Variants in MUC5B observed in about 807,000 individuals in gnomAD.
MUC5B encodes mucin-5B.
A neutral mutation model predicts 376.9 loss-of-function variants in MUC5B; 116 were observed. That is an observed-to-expected ratio of 0.31 (90% CI 0.26 to 0.36). The LOEUF (loss-of-function observed/expected upper bound fraction) is 0.36. Among genes scored for constraint, MUC5B ranks in the 10% least tolerant of loss-of-function variants. The pLI is 1.00. For synonymous variants in MUC5B, 3,517 were observed against 3,390.9 expected, an observed-to-expected ratio of 1.04 and a Z score of -1.29; for missense variants, 7,165 against 7,769.9, an observed-to-expected ratio of 0.92 and a Z score of 2.93.
chr11:1,229,936 G>A, intron 10 of MUC5B, 69 bp from the exon 11 acceptor site: 1 of 1,556,142 alleles, frequency 6.4e-7, no homozygotes, highest in South Asian at 1.2e-5. Flanking sequence ...TCCGCCTGCG[G>A]TGGGGGTGTG....
Position 1,250,770 on chromosome 11 carries a change from C to A in MUC5B, c.13890C>A (p.Pro4630=). Reference sequence around the variant, plus strand: ...CCACCACACCCACAACCACCACACCCACAACCAGTGGCTCCACGGTGACCC... The same window carrying A: ...CCACCACACCCACAACCACCACACCAACAACCAGTGGCTCCACGGTGACCC... ...STTTTPTTTT[P]TTSGSTVTPS... The change falls in exon 31 of 49, where the codon CCC becomes CCA. Residue 4630 remains proline, a synonymous_variant. Coordinates refer to ENST00000529681, the MANE Select transcript of MUC5B (RefSeq NM_002458.3). The A allele has an allele frequency of 1.2e-6, 2 of 1,613,242 alleles. No individual in the cohort carries two copies. Among genetic ancestry groups the A allele is most frequent in the Non-Finnish European group, 1.7e-6 (2 of 1,179,536 alleles).
In MUC5B at chr11:1,261,500, C is replaced by A; in HGVS notation, c.17181C>A (p.His5727Gln). Residue 5727 changes from histidine (H) to glutamine (Q), a missense_variant, in exon 49 of 49, where the codon CAC (histidine) becomes CAA (glutamine). Transcript: ENST00000529681. Reference sequence around the variant, plus strand: ...GTCCTAACGGCTCAGCCATCCTGCACACCTACACCCACGTGGATGAGTGTG... The same window carrying A: ...GTCCTAACGGCTCAGCCATCCTGCAAACCTACACCCACGTGGATGAGTGTG... ...LHCPNGSAILHTYTHVDECGC... is the reference protein window; with the variant it reads ...LHCPNGSAILQTYTHVDECGC... 1.3e-6 allele frequency: 2 copies of A among 1,599,820 alleles called. No individual in the cohort carries two copies. The highest frequency in any genetic ancestry group is 1.7e-6 in the Non-Finnish European group (2 of 1,174,410).
chr11:1,226,955 C>A, intron 4 of MUC5B, 76 bp from the exon 5 acceptor site: 1 of 1,504,284 alleles, frequency 6.6e-7, no homozygotes, highest in Non-Finnish European at 9.1e-7. Context: ...CTGACCTGGG[C>A]CAGGGCTGGG....
Position 1,229,247 on chromosome 11 carries a change from G to T in MUC5B, c.1054G>T (p.Ala352Ser), listed in dbSNP as rs774531281. 6.3e-7 allele frequency: 1 copy of T among 1,592,178 alleles called. No homozygotes were observed. ...CTDTCSNPQR[A>S]QLCEDHCVDG... ...GGACACCTGCTCCAACCCCCAGCGC[G>T]CGCAGCTCTGCGAGGACCACTGTGT... The change falls in exon 9 of 49, where the codon GCG (alanine) becomes TCG (serine). Residue 352 changes from alanine to serine, a missense_variant. Ala to Ser is a moderately conservative substitution (Grantham distance 99). Coordinates refer to ENST00000529681, the MANE Select transcript of MUC5B (RefSeq NM_002458.3).
rs78692183 is a variant in MUC5B at position 1,242,527 on chromosome 11, A to G, written c.5647A>G (p.Ser1883Gly). 47,972 of 1,613,698 alleles carry G rather than the reference A, an allele frequency of 0.03. 913 individuals carry two copies. Among genetic ancestry groups the G allele is most frequent in the Non-Finnish European group, 0.033 (38,542 of 1,179,778 alleles). ...GCGTGTGCTTTGCTGTGACGACTACAGCCACTGCCCCAGTACCCCAGCCAC... is the reference window on the plus strand; with the variant it reads ...GCGTGTGCTTTGCTGTGACGACTACGGCCACTGCCCCAGTACCCCAGCCAC... The part of the protein sequence containing the change: ...NVRVLCCDDY[S>G]HCPSTPATSS... The change falls in exon 31 of 49, where the codon AGC becomes GGC. Residue 1883 changes from serine to glycine, a missense_variant. Around this residue, in one of 31 missense-constraint regions of MUC5B, gnomAD observed 897 missense variants for 779.6 expected, o/e 1.15. Transcript: ENST00000529681.
intron 23 of MUC5B, among the ~76,000 whole-genome samples, chr11:1,235,865 G>T (rs1162215402): frequency 1.3e-5 from 2 of 151,956 alleles, no homozygotes; most frequent in Non-Finnish European, 2.9e-5. Flanking sequence ...CGTCTGCAGA[G>T]ATGCTTTCTC....
Position 1,247,408 on chromosome 11 carries a change from T to C in MUC5B, c.10528T>C (p.Ser3510Pro), listed in dbSNP as rs1590184149. 1.2e-6 allele frequency: 2 copies of C among 1,607,866 alleles called. No homozygotes were observed. The highest frequency in any genetic ancestry group is 1.7e-6 in the Non-Finnish European group (2 of 1,178,324). The change falls in exon 31 of 49, where the codon TCC (serine) becomes CCC (proline). Residue 3510 changes from serine (S) to proline (P), a missense_variant. This residue lies in a region of MUC5B where 939 missense variants were observed against 770.6 expected (regional missense o/e 1.22). Transcript: ENST00000529681. ...CACCCAGCACTCGACTCCAGCCCTGTCCAGCCCTCACCCTAGCAGCAGGAC... is the reference window on the plus strand; with the variant it reads ...CACCCAGCACTCGACTCCAGCCCTGCCCAGCCCTCACCCTAGCAGCAGGAC... Reference protein sequence around the residue: ...STTQHSTPALSSPHPSSRTTE... With the variant: ...STTQHSTPALPSPHPSSRTTE...
Position 1,247,901 on chromosome 11 carries a change from C to G in MUC5B, c.11021C>G (p.Thr3674Ser). 1.2e-6 allele frequency: 2 copies of G among 1,611,640 alleles called. No homozygotes were observed. Among genetic ancestry groups the G allele is most frequent in the Non-Finnish European group, 1.7e-6 (2 of 1,178,974 alleles). Residue 3674 changes from threonine (T) to serine (S), a missense_variant, in exon 31 of 49, where the codon ACC (threonine) becomes AGC (serine). This residue lies in a region of MUC5B where 90 missense variants were observed against 71.1 expected (regional missense o/e 1.27). Transcript: ENST00000529681. The part of the protein sequence containing the change: ...FCCNYGHCPS[T>S]PATSSTATPS... ...TGCAACTACGGCCACTGCCCCAGCA[C>G]CCCGGCCACCAGCTCTACGGCCACG... is the stretch of plus-strand genomic sequence containing the variant.
At chr11:1,231,354 C>G in intron 13 of MUC5B, 69 bp from the exon 14 acceptor site, 1 of 1,516,346 alleles carries the variant, frequency 6.6e-7, no homozygotes. Context: ...CACTGGATGC[C>G]CTGCCCCTCC....
chr11:1,259,898 C>A (rs937731280), intron 45 of MUC5B, 56 bp downstream of exon 45: 1 of 1,612,064 alleles, frequency 6.2e-7, no homozygotes, highest in African/African-American at 1.3e-5. Context: ...AGACCCTCAC[C>A]CCCAATGGGG....
At chr11:1,238,253 T>C (rs1217523414) in intron 25 of MUC5B, among the ~76,000 whole-genome samples, 2 of 152,188 alleles carry the variant, frequency 1.3e-5, no homozygotes, top group Non-Finnish European at 2.9e-5. Context: ...GCACATTCAC[T>C]GGGTGCCTGG....
chr11:1,250,338 G>C lies in MUC5B; in HGVS notation c.13458G>C (p.Thr4486=), dbSNP rs746678966. Residue 4486 remains threonine, a synonymous_variant, in exon 31 of 49, where the codon ACG becomes ACC. Coordinates refer to ENST00000529681, the MANE Select transcript of MUC5B (RefSeq NM_002458.3). ...CCCCACATGTGAGCACCACGGCCAC[G>C]ACACCCACAGTCACCAGCTCCAAAG... ...AGTPHVSTTA[T]TPTVTSSKAT... is the part of the protein sequence containing the mutation. 1 of 1,611,610 alleles carries C rather than the reference G, an allele frequency of 6.2e-7. No homozygotes were observed. Among genetic ancestry groups the C allele is most frequent in the Non-Finnish European group, 8.5e-7 (1 of 1,179,060 alleles).
chr11:1,234,498 G>A lies in MUC5B; in HGVS notation c.2479-31G>A. ...TGACATCTGCCCACCCTGGTGTCCAGCCCTGACCGGTACCTGCCTGGGCCC... is the reference window on the plus strand; with the variant it reads ...TGACATCTGCCCACCCTGGTGTCCAACCCTGACCGGTACCTGCCTGGGCCC... On this transcript the variant is annotated intron_variant, in intron 20 of 48. Transcript: ENST00000529681. This position sits in a 1 kb window ranked among gnomAD's most constrained non-coding sequence, Gnocchi z 6.3. The A allele has an allele frequency of 6.4e-7, 1 of 1,563,678 alleles. No individual in the cohort carries two copies. Among genetic ancestry groups the A allele is most frequent in the South Asian group, 1.2e-5 (1 of 84,658 alleles).
At chr11:1,256,902 C>G (rs1013105252) in intron 39 of MUC5B, 131 bp downstream of exon 39, 2 of 713,698 alleles carry the variant, frequency 2.8e-6, no homozygotes, top group Non-Finnish European at 2.3e-6. Context: ...TGTTCTGCCC[C>G]ACCAGAGCAT....
intron 38 of MUC5B, 57 bp downstream of exon 38, chr11:1,256,282 G>T (rs1357643221): frequency 4.2e-6 from 3 of 711,290 alleles, no homozygotes; most frequent in South Asian, 3.0e-5. Flanking sequence ...TGACCGGTCT[G>T]GGGGAGCAGG....
chr11:1,256,078 G>T lies in MUC5B; in HGVS notation c.16067-78G>T, dbSNP rs953118088. On this transcript the variant is annotated intron_variant, in intron 37 of 48. Coordinates refer to ENST00000529681, the MANE Select transcript of MUC5B (RefSeq NM_002458.3). ...CCCCCAGACTCCTCGGCCTCTCTGA[G>T]TGTCCTGTGCGGTGATTGGGGGCGG... 6 of 677,130 alleles carry T rather than the reference G, an allele frequency of 8.9e-6. No individual in the cohort carries two copies. The African/African-American group carries it at 1.1e-4, about 12-fold the overall frequency. The allele number at this position is 677,130 out of a possible 1,614,324, so 41.9% of individuals were successfully genotyped here. A position where few individuals can be genotyped will look rare whatever the true frequency, so the allele number is the denominator to read the frequency against.
At chr11:1,223,304 G>C in intron 1 of MUC5B, 111 bp downstream of exon 1, 1 of 695,790 alleles carries the variant, frequency 1.4e-6, no homozygotes, top group Non-Finnish European at 2.6e-6. Flanking sequence ...ATCCCCCTAC[G>C]ACTCCCTGAG....
chr11:1,232,571 G>A (rs781017068), intron 16 of MUC5B, 27 bp downstream of exon 16: 28 of 1,605,048 alleles, frequency 1.7e-5, no homozygotes, highest in Admixed American at 1.0e-4. Context: ...AGACCCCCAC[G>A]CCTGGGCAGG....
In MUC5B at chr11:1,228,630, A is replaced by G; in HGVS notation, c.841A>G (p.Thr281Ala). 6.5e-7 allele frequency: 1 copy of G among 1,534,104 alleles called. No individual in the cohort carries two copies. Among genetic ancestry groups the G allele is most frequent in the South Asian group, 1.2e-5 (1 of 83,890 alleles). ...GGAGTGCCACGCACTGGTGGACAGC[A>G]CTGCGTACCTGGCCGCCTGCGCCCA... ...FAECHALVDS[T>A]AYLAACAQDL... Residue 281 changes from threonine to alanine, a missense_variant, in exon 8 of 49, where the codon ACT (threonine) becomes GCT (alanine). Transcript: ENST00000529681.
Sources: gnomAD v4.1 joint callset for allele counts (sites outside exome capture counted in the v4.1 genomes callset) on GRCh38, gnomAD v4.1.1 for gene constraint, gnomAD v4.1.1 regional missense constraint, Gnocchi (gnomAD v3.1) non-coding constraint, MANE v1.5 for transcripts, NCBI Gene and HGNC (gene_info 2026-07-23, HGNC 2026-07-21) for gene names.